Variants in C11orf24 observed in about 807,000 individuals in gnomAD.
C11orf24 encodes the protein uncharacterized protein C11orf24.
C11orf24 carries 5 observed loss-of-function variants against 7.3 expected under a neutral mutation model. That is an observed-to-expected ratio of 0.69 (90% CI 0.36 to 1.45). The LOEUF (loss-of-function observed/expected upper bound fraction) is 1.45, where lower values mean the gene tolerates loss of function less well. Among genes scored for constraint, C11orf24 ranks in the 40% most tolerant of loss-of-function variants. The pLI is 0.03. For missense variants in C11orf24, 566 were observed against 590.5 expected (o/e 0.96, Z 0.43); for synonymous variants, 233 against 235.7 (o/e 0.99, Z 0.11).
In C11orf24 at chr11:68,265,355, G is replaced by A. The variant is rs574480668; in HGVS notation, c.-99-1489C>T. Among the ~76,000 whole-genome samples, 3 of 152,308 alleles carry A rather than the reference G, an allele frequency of 2.0e-5. No homozygotes were observed. The South Asian group carries it at 6.2e-4, about 32-fold the overall frequency. The stretch of plus-strand genomic sequence containing the variant: ...CAGCGATCCAGGCACCTGATACAGA[G>A]GCTCTCTCAATGAATGAAGGCATGA... On this transcript the variant is annotated intron_variant, in intron 2 of 3. Coordinates refer to ENST00000304271, the MANE Select transcript of C11orf24 (RefSeq NM_022338.4).
chr11:68,265,536 G>A (rs759793184), intron 2 of C11orf24, among the ~76,000 whole-genome samples: 5 of 152,180 alleles, frequency 3.3e-5, no homozygotes, highest in Non-Finnish European at 5.9e-5. Context: ...GTCTCGCTCT[G>A]CTGCCCAGGC....
intron 2 of C11orf24, among the ~76,000 whole-genome samples, chr11:68,266,381 G>A (rs1238821443): frequency 6.6e-6 from 1 of 152,196 alleles, no homozygotes; most frequent in Non-Finnish European, 1.5e-5. Context: ...AAGCTGCCCC[G>A]GGGCTGGAGA....
rs747199919 is a variant in C11orf24 at position 68,262,930 on chromosome 11, A to C, written c.77-12T>G. Reference sequence around the variant, plus strand: ...AGGGACAAAGTTGCCTTAAAGTCAGAAAAAGGAGAAAAAGAGAGACAATCA... The same window carrying C: ...AGGGACAAAGTTGCCTTAAAGTCAGCAAAAGGAGAAAAAGAGAGACAATCA... On this transcript the variant is annotated splice_polypyrimidine_tract_variant and intron_variant, in intron 3 of 3. Coordinates refer to ENST00000304271, the MANE Select transcript of C11orf24 (RefSeq NM_022338.4). The C allele has an allele frequency of 1.2e-6, 2 of 1,607,038 alleles. No homozygotes were observed. Among genetic ancestry groups the C allele is most frequent in the Admixed American group, 3.3e-5 (2 of 59,812 alleles).
chr11:68,262,980 G>T, intron 3 of C11orf24, 62 bp from the exon 4 acceptor site: 1 of 1,514,604 alleles, frequency 6.6e-7, no homozygotes, highest in Non-Finnish European at 9.0e-7. Context: ...CAGGGGGATT[G>T]CTCAGGGATC....
Position 68,261,597 on chromosome 11 carries a change from G to C in C11orf24, c.*48C>G. 6.6e-7 allele frequency: 1 copy of C among 1,526,004 alleles called. No homozygotes were observed. Among genetic ancestry groups the C allele is most frequent in the Non-Finnish European group, 8.8e-7 (1 of 1,131,780 alleles). 94.5% of individuals were successfully genotyped at this position (1,526,004 alleles called of 1,614,324 possible). On this transcript the variant is annotated 3_prime_UTR_variant, in exon 4 of 4. Transcript: ENST00000304271. ...ACTTGGTTTGGTCTCAAAGGCAAAA[G>C]GAAAGGACGAGGAAGGGGCCAGGCC...
At chr11:68,264,856 A>G (rs1591133321) in intron 2 of C11orf24, among the ~76,000 whole-genome samples, 1 of 151,724 alleles carries the variant, frequency 6.6e-6, no homozygotes, top group East Asian at 2.0e-4. Context: ...AGGTCATTGC[A>G]GGCTGGCACA....
intron 1 of C11orf24, among the ~76,000 whole-genome samples, chr11:68,270,586 TA>T (rs10631184): frequency 0.16 from 22,314 of 142,850 alleles, 1,741 homozygotes; most frequent in Non-Finnish European, 0.19. Flanking sequence ...CCCCATCTCT[TA>T]AAAAAAAAAA....
At chr11:68,263,400 T>A (rs1041761084) in intron 3 of C11orf24, 16 of 488,168 alleles carry the variant, frequency 3.3e-5, no homozygotes, top group Non-Finnish European at 5.1e-5. Context: ...AAAGATCTGA[T>A]GTATGAAGGA....
At position 68,263,834 on chromosome 11, in the gene C11orf24, T is replaced by C; in HGVS notation, c.-67A>G. The C allele has an allele frequency of 3.6e-6, 5 of 1,382,582 alleles. No homozygotes were observed. Among genetic ancestry groups the C allele is most frequent in the Middle Eastern group, 2.1e-4 (1 of 4,702 alleles). The allele number at this position is 1,382,582 out of a possible 1,614,324, so 85.6% of individuals were successfully genotyped here. On this transcript the variant is annotated 5_prime_UTR_variant, in exon 3 of 4. Transcript: ENST00000304271. ...CTCCCAGCCAGCCAGCTCCTCAGGC[T>C]GCTAATGGTTCCCTCCTGCTTGGCC... is the stretch of plus-strand genomic sequence containing the variant.
intron 3 of C11orf24, chr11:68,263,384 G>A (rs115026913): frequency 0.01 from 4,742 of 458,982 alleles, 49 homozygotes; most frequent in South Asian, 0.027. Flanking sequence ...GAGTGGGAAC[G>A]CAGTTAAAGA....
At chr11:68,271,305 G>C (rs1310264176) in intron 1 of C11orf24, among the ~76,000 whole-genome samples, 1 of 152,160 alleles carries the variant, frequency 6.6e-6, no homozygotes, top group Non-Finnish European at 1.5e-5. Context: ...GCCACACGGG[G>C]GCTACTAAGT....
chr11:68,270,496 T>C (rs1225978869), intron 1 of C11orf24, among the ~76,000 whole-genome samples: 1 of 150,718 alleles, frequency 6.6e-6, no homozygotes, highest in Non-Finnish European at 1.5e-5. Flanking sequence ...TGCATGCCTG[T>C]AATCCCAGAC....
intron 2 of C11orf24, 147 bp downstream of exon 2, chr11:68,267,907 G>C (rs1442910268): frequency 6.6e-6 from 1 of 152,384 alleles, no homozygotes; most frequent in Non-Finnish European, 1.5e-5. Context: ...AAGGGCCACA[G>C]ACTGGGCCTG....
chr11:68,261,515 T>A lies in C11orf24; in HGVS notation c.*130A>T. ...ATCATGGAATTAATCTGACAGCAAT[T>A]AAATGTGTTTAAGCATCTGGCATAT... On this transcript the variant is annotated 3_prime_UTR_variant, in exon 4 of 4. Transcript: ENST00000304271. 3 of 708,024 alleles carry A rather than the reference T, an allele frequency of 4.2e-6. No homozygotes were observed. Among genetic ancestry groups the A allele is most frequent in the Non-Finnish European group, 7.0e-6 (3 of 427,936 alleles). The allele number at this position is 708,024 out of a possible 1,614,324, so 43.9% of individuals were successfully genotyped here. A position where few individuals can be genotyped will look rare whatever the true frequency, so the allele number is the denominator to read the frequency against.
chr11:68,262,272 G>A lies in C11orf24; in HGVS notation c.723C>T (p.Thr241=), dbSNP rs150856931. The A allele has an allele frequency of 1.3e-4, 205 of 1,613,278 alleles. No homozygotes were observed. In the African/African-American group the frequency reaches 2.2e-3, roughly 17 times the overall value. The change falls in exon 4 of 4, where the codon ACC becomes ACT. Residue 241 remains threonine (T), a synonymous_variant. Transcript: ENST00000304271. ...PSPSKHMPSD[T]AASPVPPMRP... ...GCATAGGGGGTACAGGGCTTGCCGC[G>A]GTGTCACTGGGCATGTGCTTGGAAG...
intron 2 of C11orf24, among the ~76,000 whole-genome samples, chr11:68,264,484 A>ATCCT (rs1392378420): frequency 2.1e-5 from 3 of 144,644 alleles, no homozygotes; most frequent in Non-Finnish European, 4.6e-5. Flanking sequence ...CCATCCATCC[A>ATCCT]CCCACCCATC....
chr11:68,263,135 C>T, intron 3 of C11orf24: 1 of 585,432 alleles, frequency 1.7e-6, no homozygotes, highest in South Asian at 2.1e-5. Flanking sequence ...GATTTTAAAA[C>T]TCCTTTGCCC....
intron 3 of C11orf24, 166 bp downstream of exon 3, chr11:68,263,526 G>T: frequency 1.6e-6 from 1 of 619,252 alleles, no homozygotes; most frequent in Non-Finnish European, 2.8e-6. Flanking sequence ...GCCCACCATG[G>T]CCCTGGAGAA....
chr11:68,263,983 G>A (rs2098563279), intron 2 of C11orf24, 117 bp from the exon 3 acceptor site: 1 of 562,826 alleles, frequency 1.8e-6, no homozygotes, highest in Non-Finnish European at 3.2e-6. Context: ...TGAGCCAAGT[G>A]CTGAGACCAG....
Sources: allele counts gnomAD v4.1 joint callset (sites outside exome capture counted in the v4.1 genomes callset), GRCh38; gene constraint gnomAD v4.1.1; transcripts MANE v1.5; gene names NCBI Gene and HGNC (gene_info 2026-07-23, HGNC 2026-07-21).